The following DGKH variants were observed in gnomAD, a reference collection of about 807,000 sequenced individuals.
DGKH encodes the protein diacylglycerol kinase eta.
In DGKH, 90 loss-of-function variants were observed where a neutral mutation model predicts 159.3. That is an observed-to-expected ratio of 0.57 (90% CI 0.48 to 0.67). The LOEUF is 0.67. DGKH is among the 30% of genes least tolerant of loss of function. The pLI, the probability that DGKH is intolerant of heterozygous loss-of-function variation, is 0.00. For synonymous variants in DGKH, 536 were observed against 553.8 expected (o/e 0.97, Z 0.45); for missense variants, 1,181 against 1,506.1 (o/e 0.78, Z 3.57).
At chr13:42,107,794 G>A (rs577081723) in intron 1 of DGKH, among the ~76,000 whole-genome samples, 2 of 152,050 alleles carry the variant, frequency 1.3e-5, no homozygotes, top group African/African-American at 2.4e-5. Context: ...GAGACCTTGA[G>A]TGTGCTGTCT....
chr13:42,194,023 G>A (rs1957146193), intron 16 of DGKH, among the ~76,000 whole-genome samples: 1 of 152,100 alleles, frequency 6.6e-6, no homozygotes, highest in African/African-American at 2.4e-5. Flanking sequence ...TAAATGTATT[G>A]AGCTTTTACA....
In DGKH at chr13:42,241,916, G is replaced by GT. The variant is rs1161856144; in HGVS notation, c.*12729dup. The GT allele has an allele frequency of 6.6e-6, 1 of 152,132 alleles. No individual in the cohort carries two copies. The highest frequency in any genetic ancestry group is 2.4e-5 in the African/African-American group (1 of 41,422). The allele number at this position is 152,132 out of a possible 1,614,324, so 9.4% of individuals were successfully genotyped here. On this transcript the variant is annotated 3_prime_UTR_variant, in exon 30 of 30. Transcript: ENST00000337343. ...GTTCCTTCATGAGAAGGAAAAAACT[G>GT]TATCTTTATTGTCAGTAAGTGTGGA...
intron 1 of DGKH, among the ~76,000 whole-genome samples, chr13:42,104,899 CA>C (rs762383431): frequency 6.6e-6 from 1 of 151,802 alleles, no homozygotes; most frequent in African/African-American, 2.4e-5. Flanking sequence ...AATAGTAAAG[CA>C]ATATTACTTT....
intron 1 of DGKH, among the ~76,000 whole-genome samples, chr13:42,103,240 C>T (rs1382021006): frequency 1.3e-5 from 2 of 152,164 alleles, no homozygotes; most frequent in African/African-American, 4.8e-5. Context: ...GCTGGGTTTT[C>T]TTCTGCATGT....
Position 42,234,767 on chromosome 13 carries a change from T to C in DGKH, c.*5579T>C, listed in dbSNP as rs574230493. ...TTGCCATGGGTTTCTCTCCTCTCAC[T>C]GCCTGCCCCAGTGCCATGATGTCTG... On this transcript the variant is annotated 3_prime_UTR_variant, in exon 30 of 30. Coordinates refer to ENST00000337343, the MANE Select transcript of DGKH (RefSeq NM_178009.5). 2.0e-5 allele frequency: 3 copies of C among 152,314 alleles called. No individual in the cohort carries two copies. Among genetic ancestry groups the C allele is most frequent in the African/African-American group, 7.2e-5 (3 of 41,580 alleles). 9.4% of individuals were successfully genotyped at this position (152,314 alleles called of 1,614,324 possible).
Position 42,198,565 on chromosome 13 carries a change from C to T in DGKH, c.2255C>T (p.Thr752Met), listed in dbSNP as rs150663668. 131 of 1,613,080 alleles carry T rather than the reference C, an allele frequency of 8.1e-5. No individual in the cohort carries two copies. The highest frequency in any genetic ancestry group is 4.0e-4 in the South Asian group (36 of 90,976). Residue 752 changes from threonine (T) to methionine (M), a missense_variant, in exon 18 of 30, where the codon ACG becomes ATG. Thr to Met is a moderately conservative substitution (Grantham distance 81). Coordinates refer to ENST00000337343, the MANE Select transcript of DGKH (RefSeq NM_178009.5). ...GCAAACATTGATCCTTTTGGTGCCA[C>T]GCCGTTTATTGACCCGGATCTAGAT... ...LLANIDPFGA[T>M]PFIDPDLDSV...
intron 1 of DGKH, among the ~76,000 whole-genome samples, chr13:42,125,640 A>T (rs1212036673): frequency 6.6e-6 from 1 of 152,240 alleles, no homozygotes; most frequent in African/African-American, 2.4e-5. Flanking sequence ...CCAGGAAGAC[A>T]GTCTTAGAGC....
At position 42,068,138 on chromosome 13, in the gene DGKH, A is replaced by T. The variant is rs140983544; in HGVS notation, c.192+19173A>T. Among the ~76,000 whole-genome samples the T allele has an allele frequency of 6.1e-3, 927 of 152,322 alleles. 10 individuals are homozygous for T. The highest frequency in any genetic ancestry group is 0.021 in the African/African-American group (863 of 41,572). On this transcript the variant is annotated intron_variant, in intron 1 of 29. Transcript: ENST00000337343. ...AAATGAGTATGTGGACCGCCTTAGG[A>T]TAAACTGACATAGATTCGGCTAGGT...
At chr13:42,138,245 G>C in intron 3 of DGKH, 1 of 356,424 alleles carries the variant, frequency 2.8e-6, no homozygotes, top group Non-Finnish European at 3.9e-6. Flanking sequence ...TGGATTTAGA[G>C]ACTGCTGGGC....
chr13:42,048,138 C>A (rs1390508910), upstream of DGKH, among the ~76,000 whole-genome samples: 1 of 151,306 alleles, frequency 6.6e-6, no homozygotes, highest in African/African-American at 2.4e-5. This position sits in a 1 kb window ranked among gnomAD's most constrained non-coding sequence, Gnocchi z 6.7. Flanking sequence ...GTGGGGAAAC[C>A]GACGAGGGGC....
intron 2 of DGKH, among the ~76,000 whole-genome samples, 178 bp downstream of exon 2, chr13:42,127,751 A>G (rs1296203700): frequency 1.3e-5 from 2 of 152,204 alleles, no homozygotes; most frequent in South Asian, 2.1e-4. Flanking sequence ...AGTCAGTCCC[A>G]TAACAGGTCC....
At position 42,129,629 on chromosome 13, in the gene DGKH, C is replaced by T. The variant is rs766588501; in HGVS notation, c.381C>T (p.Phe127=). The T allele has an allele frequency of 1.9e-6, 3 of 1,611,100 alleles. No individual in the cohort carries two copies. Among genetic ancestry groups the T allele is most frequent in the Non-Finnish European group, 1.7e-6 (2 of 1,178,396 alleles). The change falls in exon 3 of 30, where the codon TTC becomes TTT. Residue 127 remains phenylalanine, a synonymous_variant. Transcript: ENST00000337343. ...GCACGAAAAATGCTAACAACAGCTT[C>T]ACGGTATGGTTATATTCTGCTAACT... ...EASTKNANNS[F]TIITPFRRLM...
rs1454656290 is a variant in DGKH at position 42,168,378 on chromosome 13, A to G, written c.1119-62A>G. The G allele has an allele frequency of 3.6e-6, 5 of 1,408,426 alleles. No homozygotes were observed. In the East Asian group the frequency reaches 1.2e-4, roughly 34 times the overall value. The allele number at this position is 1,408,426 out of a possible 1,614,324, so 87.2% of individuals were successfully genotyped here. ...AATATGAATACTGATACAGAATAAC[A>G]AAGAATTGAGGAAAGTGATTTTTAT... On this transcript the variant is annotated intron_variant, in intron 9 of 29. Coordinates refer to ENST00000337343, the MANE Select transcript of DGKH (RefSeq NM_178009.5).
intron 21 of DGKH, among the ~76,000 whole-genome samples, chr13:42,206,651 TG>T (rs1232361548): frequency 6.6e-6 from 1 of 152,020 alleles, no homozygotes; most frequent in Non-Finnish European, 1.5e-5. Context: ...CTTATTTCCC[TG>T]TCTTTGGAGC....
chr13:42,246,742 C>T (rs146936323), downstream of DGKH, among the ~76,000 whole-genome samples: 153 of 152,260 alleles, frequency 1.0e-3, no homozygotes, highest in African/African-American at 3.4e-3. Flanking sequence ...AGGCCTCCCG[C>T]GCACCCTAAT....
At chr13:42,104,060 G>A (rs751782139) in intron 1 of DGKH, among the ~76,000 whole-genome samples, 2 of 152,194 alleles carry the variant, frequency 1.3e-5, no homozygotes, top group Non-Finnish European at 2.9e-5. Context: ...AGAGGTATGT[G>A]GTCCTAAGCT....
chr13:42,156,309 CA>C (rs2137958783), intron 5 of DGKH, among the ~76,000 whole-genome samples: 1 of 152,234 alleles, frequency 6.6e-6, no homozygotes, highest in Non-Finnish European at 1.5e-5. Flanking sequence ...GTGGCATGAT[CA>C]AGTCTCCCTG....
At chr13:42,198,638 G>GTTTTT in intron 18 of DGKH, 43 bp downstream of exon 18, 2 of 1,168,382 alleles carry the variant, frequency 1.7e-6, no homozygotes, top group Non-Finnish European at 2.4e-6. Context: ...GGTTTTTCTT[G>GTTTTT]TTTTTTTTTT....
intron 20 of DGKH, among the ~76,000 whole-genome samples, chr13:42,201,716 A>G (rs1957350408): frequency 6.6e-6 from 1 of 152,216 alleles, no homozygotes; most frequent in African/African-American, 2.4e-5. Flanking sequence ...ACAGACTTAC[A>G]AAAGAAGACT....
Sources: allele counts gnomAD v4.1 joint callset (sites outside exome capture counted in the v4.1 genomes callset), GRCh38; gene constraint gnomAD v4.1.1; non-coding constraint Gnocchi (gnomAD v3.1); transcripts MANE v1.5; gene names NCBI Gene and HGNC (gene_info 2026-07-23, HGNC 2026-07-21).